The following ETV1 variants were observed in gnomAD, a reference collection of about 807,000 sequenced individuals.
ETV1 encodes ETS translocation variant 1.
In ETV1, 27 loss-of-function variants were observed where a neutral mutation model predicts 62.3. The ratio of observed to expected loss-of-function variants is 0.43; its 90% CI spans 0.32 to 0.60. The LOEUF (loss-of-function observed/expected upper bound fraction) is 0.60, where lower values mean the gene tolerates loss of function less well. Ranked by LOEUF, ETV1 falls within the 20% of genes least tolerant of loss-of-function variation. The probability of loss-of-function intolerance (pLI) is 0.06; values close to 1 mark genes in which losing one functional copy is unlikely to be tolerated. For missense variants in ETV1, 605 were observed against 605.8 expected (o/e 1.00, Z 0.01); for synonymous variants, 222 against 199.6 (o/e 1.11, Z -0.94).
At position 13,935,838 on chromosome 7, in the gene ETV1, T is replaced by G; in HGVS notation, c.424A>C (p.Ser142Arg). 1 of 1,613,856 alleles carries G rather than the reference T, an allele frequency of 6.2e-7. No individual in the cohort carries two copies. The highest frequency in any genetic ancestry group is 2.2e-5 in the East Asian group (1 of 44,858). ...TGATGCAGTGGGGACACTGGCGTGC[T>G]GGATGGTGTGGGGGGGTTGGAGGGC... ...MRPSNPPTPS[S>R]TPVSPLHHAS... Residue 142 changes from serine to arginine, a missense_variant, in exon 8 of 14, where the codon AGC becomes CGC. Coordinates refer to ENST00000430479, the MANE Select transcript of ETV1 (RefSeq NM_004956.5).
At chr7:13,966,200 C>A (rs564689255) in intron 6 of ETV1, among the ~76,000 whole-genome samples, 5 of 152,132 alleles carry the variant, frequency 3.3e-5, no homozygotes, top group Non-Finnish European at 1.5e-5. Flanking sequence ...TTTTAAAAGT[C>A]CAAAGATATT....
intron 6 of ETV1, among the ~76,000 whole-genome samples, chr7:13,962,976 TTG>T (rs1382359275): frequency 1.3e-5 from 2 of 152,156 alleles, no homozygotes; most frequent in Non-Finnish European, 1.5e-5. Flanking sequence ...AATAACAACT[TTG>T]TACATTTTAC....
intron 5 of ETV1, among the ~76,000 whole-genome samples, chr7:13,978,890 C>A (rs992907904): frequency 2.0e-5 from 3 of 152,006 alleles, no homozygotes; most frequent in Non-Finnish European, 4.4e-5. Flanking sequence ...TGACATTCAA[C>A]TGTTTTCTAA....
chr7:13,988,068 C>G lies in ETV1; in HGVS notation c.133+18G>C. On this transcript the variant is annotated intron_variant, in intron 4 of 13. Coordinates refer to ENST00000430479, the MANE Select transcript of ETV1 (RefSeq NM_004956.5). ...TGTAGGTAAAAAAATGGGGATTCAG[C>G]CCAAAATCAAACCTCACCTTCTGAA... is the stretch of plus-strand genomic sequence containing the variant. 6.5e-7 allele frequency: 1 copy of G among 1,532,928 alleles called. No individual in the cohort carries two copies. The allele number at this position is 1,532,928 out of a possible 1,614,324, so 95.0% of individuals were successfully genotyped here.
At chr7:13,896,788 G>GAAAC (rs1178956699) in intron 13 of ETV1, among the ~76,000 whole-genome samples, 1 of 150,848 alleles carries the variant, frequency 6.6e-6, no homozygotes, top group Non-Finnish European at 1.5e-5. Context: ...AAGAAAGAAA[G>GAAAC]AAAGGATACA....
rs757431239 is a variant in ETV1, at chr7:13,891,430, G to C, written c.*4436C>G. Reference sequence around the variant, plus strand: ...AATACTGGAGTCTATATGCAAAAAAGACCCTACCTTACATATGAATCCATA... The same window carrying C: ...AATACTGGAGTCTATATGCAAAAAACACCCTACCTTACATATGAATCCATA... On this transcript the variant is annotated 3_prime_UTR_variant, in exon 14 of 14. Coordinates refer to ENST00000430479, the MANE Select transcript of ETV1 (RefSeq NM_004956.5). 13 of 231,504 alleles carry C rather than the reference G, an allele frequency of 5.6e-5. No individual in the cohort carries two copies. The highest frequency in any genetic ancestry group is 1.0e-4 in the Non-Finnish European group (12 of 117,172). 14.3% of individuals were successfully genotyped at this position (231,504 alleles called of 1,614,324 possible).
intron 9 of ETV1, among the ~76,000 whole-genome samples, chr7:13,922,031 C>T (rs1784901348): frequency 6.6e-6 from 1 of 151,822 alleles, no homozygotes; most frequent in South Asian, 2.1e-4. Flanking sequence ...TTCCATTATT[C>T]AATATATTTA....
chr7:13,929,554 C>T (rs979256225), intron 9 of ETV1, among the ~76,000 whole-genome samples: 4 of 152,152 alleles, frequency 2.6e-5, no homozygotes, highest in African/African-American at 7.2e-5. Context: ...TATCCTTGAG[C>T]TCAATATTGG....
At chr7:13,919,651 A>C (rs1784606572) in intron 9 of ETV1, among the ~76,000 whole-genome samples, 1 of 151,654 alleles carries the variant, frequency 6.6e-6, no homozygotes, top group Non-Finnish European at 1.5e-5. Context: ...TTCCTTGAAA[A>C]TTTTTTCAAG....
Position 13,989,273 on chromosome 7 carries a change from T to G in ETV1, c.-93A>C. ...CCCTACACCGCCTCCTTCACCTGGA[T>G]CCAAAGAGAGCCAACAGAGTTCACA... On this transcript the variant is annotated 5_prime_UTR_variant, in exon 2 of 14. Transcript: ENST00000430479. The G allele has an allele frequency of 1.8e-6, 1 of 547,264 alleles. No homozygotes were observed. The highest frequency in any genetic ancestry group is 3.2e-6 in the Non-Finnish European group (1 of 310,828). The allele number at this position is 547,264 out of a possible 1,614,324, so 33.9% of individuals were successfully genotyped here.
At chr7:13,956,532 T>G (rs2128477621) in intron 6 of ETV1, among the ~76,000 whole-genome samples, 1 of 152,354 alleles carries the variant, frequency 6.6e-6, no homozygotes, top group Admixed American at 6.5e-5. Flanking sequence ...GTATATTTTT[T>G]ACTTTGACTT....
chr7:13,969,927 C>T (rs1780697682), intron 6 of ETV1, among the ~76,000 whole-genome samples: 1 of 152,014 alleles, frequency 6.6e-6, no homozygotes. Flanking sequence ...TTTATTTGCA[C>T]TTTTTCCTAC....
At chr7:13,984,359 C>T (rs1421288941) in intron 5 of ETV1, among the ~76,000 whole-genome samples, 1 of 152,018 alleles carries the variant, frequency 6.6e-6, no homozygotes, top group Non-Finnish European at 1.5e-5. Context: ...ATGGACACAT[C>T]TCACTACAAA....
At chr7:13,986,006 T>A (rs937233504) in intron 5 of ETV1, 1 of 875,612 alleles carries the variant, frequency 1.1e-6, no homozygotes, top group Non-Finnish European at 1.8e-6. Flanking sequence ...ATAGCAAAGG[T>A]CAATTTCAGC....
intron 6 of ETV1, among the ~76,000 whole-genome samples, chr7:13,974,352 CAA>C (rs1326815517): frequency 6.6e-6 from 1 of 152,152 alleles, no homozygotes; most frequent in African/African-American, 2.4e-5. Flanking sequence ...ACTGGAGTAG[CAA>C]GAGTTTAAAC....
intron 6 of ETV1, among the ~76,000 whole-genome samples, chr7:13,946,470 A>C (rs1321032128): frequency 6.6e-6 from 1 of 152,224 alleles, no homozygotes; most frequent in Non-Finnish European, 1.5e-5. Context: ...ACCACTTCTT[A>C]ATTCAGAAGT....
chr7:13,986,380 G>A, intron 5 of ETV1: 1 of 1,486,086 alleles, frequency 6.7e-7, no homozygotes, highest in East Asian at 2.5e-5. Flanking sequence ...AAGTCTTGGT[G>A]CATTAGTTCT....
chr7:13,924,203 T>C (rs1030655188), intron 9 of ETV1, among the ~76,000 whole-genome samples: 1 of 151,934 alleles, frequency 6.6e-6, no homozygotes, highest in African/African-American at 2.4e-5. Flanking sequence ...CAGCTGAAGG[T>C]GAAGTGTAAG....
Position 13,977,780 on chromosome 7 carries a change from T to C in ETV1, c.182-300A>G, listed in dbSNP as rs17167719. ...AAGAGATGCAAAATAAAGAAAGCTA[T>C]AGAATTTCCATTTCCTGCAGTTTTT... is the stretch of plus-strand genomic sequence containing the variant. On this transcript the variant is annotated intron_variant, in intron 5 of 13. Coordinates refer to ENST00000430479, the MANE Select transcript of ETV1 (RefSeq NM_004956.5). 6.2e-3 allele frequency among the ~76,000 whole-genome samples: 943 copies of C among 152,260 alleles called. 18 individuals are homozygous for C. The highest frequency in any genetic ancestry group is 0.043 in the East Asian group (222 of 5,174).
Sources: allele counts gnomAD v4.1 joint callset (sites outside exome capture counted in the v4.1 genomes callset), GRCh38; gene constraint gnomAD v4.1.1; transcripts MANE v1.5; gene names NCBI Gene and HGNC (gene_info 2026-07-23, HGNC 2026-07-21).